RBFOX1: variants seen among roughly 807,000 people sequenced by gnomAD.
RBFOX1 encodes the protein RNA binding protein fox-1 homolog 1.
In RBFOX1, 8 loss-of-function variants were observed where a neutral mutation model predicts 57.7. The observed-to-expected ratio is 0.14, with a 90% CI of 0.08 to 0.25. The LOEUF is 0.25. Ranked by LOEUF, RBFOX1 falls within the 10% of genes least tolerant of loss-of-function variation. The pLI, the probability that RBFOX1 is intolerant of heterozygous loss-of-function variation, is 1.00. For missense variants in RBFOX1, 611 were observed against 548.5 expected, an observed-to-expected ratio of 1.11 and a Z score of -1.14; for synonymous variants, 326 against 222.4, an observed-to-expected ratio of 1.47 and a Z score of -4.15.
intron 4 of RBFOX1, among the ~76,000 whole-genome samples, chr16:7,071,005 G>T (rs1243647267): frequency 1.3e-5 from 2 of 152,152 alleles, no homozygotes; most frequent in African/African-American, 4.8e-5. Flanking sequence ...TTGTCCTCAA[G>T]CTACATTTGC....
intron 3 of RBFOX1, among the ~76,000 whole-genome samples, chr16:6,679,043 T>C (rs760467462): frequency 1.8e-4 from 28 of 152,234 alleles, no homozygotes; most frequent in Non-Finnish European, 3.1e-4. Context: ...TGCTATTATA[T>C]CTCTAACACC....
chr16:6,793,738 A>C (rs1266719872), intron 3 of RBFOX1, among the ~76,000 whole-genome samples: 2 of 152,220 alleles, frequency 1.3e-5, no homozygotes, highest in Non-Finnish European at 2.9e-5. Flanking sequence ...AAATTAAAAT[A>C]ACACAGCAAG....
chr16:7,530,008 C>CAAAAAAAAAAAAAAAA (rs35251344), intron 5 of RBFOX1, among the ~76,000 whole-genome samples: 74 of 125,026 alleles, frequency 5.9e-4, no homozygotes, highest in African/African-American at 2.1e-3. Context: ...GACTCCATCT[C>CAAAAAAAAAAAAAAAA]AAAAAAAAAA....
intron 1 of RBFOX1, among the ~76,000 whole-genome samples, chr16:5,358,456 G>A (rs7196892): frequency 0.8 from 121,191 of 152,118 alleles, 54,047 homozygotes; most frequent in East Asian, 1. Context: ...GTGTACATAT[G>A]TATGGGGTAC....
At chr16:7,323,296 C>T (rs894850608) in intron 4 of RBFOX1, among the ~76,000 whole-genome samples, 5 of 152,134 alleles carry the variant, frequency 3.3e-5, no homozygotes, top group Non-Finnish European at 7.4e-5. Flanking sequence ...TGCTGGTATG[C>T]ACCTGTAGTC....
chr16:7,529,562 C>T (rs1329016106), intron 5 of RBFOX1, among the ~76,000 whole-genome samples: 2 of 152,178 alleles, frequency 1.3e-5, no homozygotes, highest in Admixed American at 6.5e-5. Context: ...CATATTTCCA[C>T]TGCAAATGTT....
chr16:6,796,569 C>A (rs191362440), intron 3 of RBFOX1, among the ~76,000 whole-genome samples: 13 of 152,154 alleles, frequency 8.5e-5, no homozygotes, highest in Admixed American at 2.0e-4. Flanking sequence ...TTTCATTTAT[C>A]TACTTCCTTC....
chr16:5,362,984 A>G (rs1276178671), intron 1 of RBFOX1, among the ~76,000 whole-genome samples: 2 of 148,476 alleles, frequency 1.3e-5, no homozygotes, highest in Admixed American at 6.7e-5. Flanking sequence ...ATAATGCCGT[A>G]GTAAACATGG....
chr16:5,989,991 CT>C (rs2060363539), intron 4 of RBFOX1, among the ~76,000 whole-genome samples: 1 of 151,974 alleles, frequency 6.6e-6, no homozygotes, highest in South Asian at 2.1e-4. Flanking sequence ...TCACACCAGC[CT>C]TTTTGTTTGT....
intron 1 of RBFOX1, among the ~76,000 whole-genome samples, chr16:6,235,640 A>G (rs2152916175): frequency 6.6e-6 from 1 of 152,070 alleles, no homozygotes; most frequent in African/African-American, 2.4e-5. Flanking sequence ...TTACATATAT[A>G]TATACACATA....
At chr16:6,965,015 T>C (rs1196485972) in intron 3 of RBFOX1, among the ~76,000 whole-genome samples, 2 of 152,156 alleles carry the variant, frequency 1.3e-5, no homozygotes, top group South Asian at 2.1e-4. Flanking sequence ...GAAATGATTA[T>C]GATTGTTGCT....
At chr16:6,706,490 T>C (rs957018865) in intron 3 of RBFOX1, among the ~76,000 whole-genome samples, 9 of 152,210 alleles carry the variant, frequency 5.9e-5, no homozygotes, top group Non-Finnish European at 1.2e-4. Flanking sequence ...TGGCTGGTAA[T>C]GAGGCAGGAT....
At chr16:6,947,026 C>G (rs933070329) in intron 3 of RBFOX1, among the ~76,000 whole-genome samples, 5 of 152,190 alleles carry the variant, frequency 3.3e-5, no homozygotes, top group Admixed American at 2.6e-4. Context: ...CCCTTCACCT[C>G]TCTCCTGGCC....
intron 4 of RBFOX1, among the ~76,000 whole-genome samples, chr16:7,450,118 G>A (rs1388010983): frequency 1.3e-5 from 2 of 152,128 alleles, no homozygotes; most frequent in Non-Finnish European, 2.9e-5. Context: ...AGACTTGGCC[G>A]AATGCGGTGG....
intron 4 of RBFOX1, among the ~76,000 whole-genome samples, chr16:7,149,279 T>G (rs1199540193): frequency 6.6e-6 from 1 of 151,998 alleles, no homozygotes; most frequent in East Asian, 1.9e-4. Context: ...ACTGTTTGCT[T>G]GTTAAGGAGT....
At chr16:5,628,291 C>T (rs925659234) in intron 3 of RBFOX1, among the ~76,000 whole-genome samples, 5 of 152,182 alleles carry the variant, frequency 3.3e-5, no homozygotes, top group Non-Finnish European at 7.3e-5. Flanking sequence ...GTGATCCTAC[C>T]TGTGATACCA....
intron 2 of RBFOX1, among the ~76,000 whole-genome samples, chr16:6,412,399 T>C (rs1452589388): frequency 6.6e-6 from 1 of 152,174 alleles, no homozygotes; most frequent in Non-Finnish European, 1.5e-5. Flanking sequence ...AAGGAGGCCT[T>C]ATTAGTCTCT....
intron 3 of RBFOX1, among the ~76,000 whole-genome samples, chr16:5,794,242 C>G (rs1229632296): frequency 6.6e-6 from 1 of 152,152 alleles, no homozygotes; most frequent in East Asian, 1.9e-4. Flanking sequence ...AATGGTCCTT[C>G]TTCCCCTTTC....
intron 3 of RBFOX1, among the ~76,000 whole-genome samples, chr16:5,725,629 G>A (rs781645841): frequency 1.3e-5 from 2 of 151,482 alleles, no homozygotes; most frequent in South Asian, 2.1e-4. Flanking sequence ...GTCTGCAAGA[G>A]TGCTCATAAG....
Sources: gnomAD v4.1 joint callset for allele counts (sites outside exome capture counted in the v4.1 genomes callset) on GRCh38, gnomAD v4.1.1 for gene constraint, MANE v1.5 for transcripts, NCBI Gene and HGNC (gene_info 2026-07-23, HGNC 2026-07-21) for gene names.